GPA33: variants seen among roughly 807,000 people sequenced by gnomAD.
GPA33 encodes cell surface A33 antigen.
In GPA33, 27 loss-of-function variants were observed where a neutral mutation model predicts 35.6. The observed-to-expected ratio is 0.76, with a 90% CI of 0.56 to 1.04. GPA33 has a LOEUF of 1.04. Among genes scored for constraint, GPA33 ranks in the 50% least tolerant of loss-of-function variants. GPA33 has a pLI of 0.00. For missense variants in GPA33, 428 were observed against 411.9 expected, an observed-to-expected ratio of 1.04 and a Z score of -0.34; for synonymous variants, 176 against 164.0, an observed-to-expected ratio of 1.07 and a Z score of -0.56.
At chr1:167,086,422 C>A (rs1354215324) in intron 1 of GPA33, among the ~76,000 whole-genome samples, 3 of 152,208 alleles carry the variant, frequency 2.0e-5, no homozygotes, top group African/African-American at 7.2e-5. Context: ...AGGCTAAGCC[C>A]CTAAACCACA....
chr1:167,062,037 A>C lies in GPA33; in HGVS notation c.571+1545T>G, dbSNP rs1055061293. 1.8e-4 allele frequency among the ~76,000 whole-genome samples: 28 copies of C among 152,134 alleles called. No individual in the cohort carries two copies. The East Asian group carries it at 2.3e-3, about 13-fold the overall frequency. ...CCCCGGGGCACCTCATCTTCTCAGA[A>C]GAGCTGTGTGCCCTGCTGGCTTTGC... is the stretch of plus-strand genomic sequence containing the variant. On this transcript the variant is annotated intron_variant, in intron 4 of 6. Coordinates refer to ENST00000367868, the MANE Select transcript of GPA33 (RefSeq NM_005814.3).
chr1:167,056,850 G>A (rs1571302777), intron 4 of GPA33, among the ~76,000 whole-genome samples: 1 of 27,650 alleles, frequency 3.6e-5, no homozygotes, highest in Non-Finnish European at 8.2e-5. Flanking sequence ...AGTGTGTAAT[G>A]TGTGTGGTGT....
At chr1:167,063,547 A>G (rs746744733) in intron 4 of GPA33, 35 bp downstream of exon 4, 2 of 1,570,806 alleles carry the variant, frequency 1.3e-6, no homozygotes, top group East Asian at 2.3e-5. Context: ...TTGCACTTTG[A>G]CGTGGGGAGC....
At chr1:167,082,165 C>G in intron 1 of GPA33, 1 of 441,606 alleles carries the variant, frequency 2.3e-6, no homozygotes, top group Non-Finnish European at 4.5e-6. Flanking sequence ...GTGTCCCAGT[C>G]CTACACAATC....
rs749148901 is a variant in GPA33 at position 167,055,124 on chromosome 1, A to G, written c.692-13T>C. On this transcript the variant is annotated splice_polypyrimidine_tract_variant and intron_variant, in intron 5 of 6. Coordinates refer to ENST00000367868, the MANE Select transcript of GPA33 (RefSeq NM_005814.3). ...ACGTTCATGGAGGCTGCAAGAGGAC[A>G]GAGCAGCTGCACTTGCCGAGCTTCT... 1.9e-6 allele frequency: 3 copies of G among 1,611,754 alleles called. No homozygotes were observed. The highest frequency in any genetic ancestry group is 2.5e-6 in the Non-Finnish European group (3 of 1,179,770).
intron 1 of GPA33, among the ~76,000 whole-genome samples, chr1:167,076,709 G>C (rs1199902379): frequency 6.6e-6 from 1 of 152,154 alleles, no homozygotes. Flanking sequence ...GAGACAGGAA[G>C]ATGTCAAAAA....
rs774152805 is a variant in GPA33, at chr1:167,090,264, C to T, written c.24G>A (p.Val8=). The change falls in exon 1 of 7, where the codon GTG becomes GTA. Residue 8 remains valine, a synonymous_variant. Transcript: ENST00000367868. MVGKMWP[V]LWTLCAVRVT... is the part of the protein sequence containing the mutation. ...ACTCACCTGCACAGAGTGTCCACAA[C>T]ACAGGCCACATCTTCCCCACCATGG... 6.2e-7 allele frequency: 1 copy of T among 1,613,710 alleles called. No individual in the cohort carries two copies. Among genetic ancestry groups the T allele is most frequent in the Non-Finnish European group, 8.5e-7 (1 of 1,179,618 alleles).
intron 1 of GPA33, among the ~76,000 whole-genome samples, chr1:167,087,129 G>A (rs182280092): frequency 1.3e-5 from 2 of 152,290 alleles, no homozygotes; most frequent in East Asian, 3.9e-4. Context: ...TGTGGAGGGG[G>A]CAGCGCATGG....
Position 167,073,386 on chromosome 1 carries a change from G to C in GPA33, c.197C>G (p.Thr66Arg), listed in dbSNP as rs775151573. Reference sequence around the variant, plus strand: ...CCTGAACTTGTAAAGTATCCTTACCGTATGAGTGAGGAGGAGCTTATCCCA... The same window carrying C: ...CCTGAACTTGTAAAGTATCCTTACCCTATGAGTGAGGAGGAGCTTATCCCA... ...IQWDKLLLTH[T>R]ERVVIWPFSN... Residue 66 changes from threonine to arginine, a missense_variant and splice_region_variant, in exon 2 of 7, where the codon ACG (threonine) becomes AGG (arginine). Transcript: ENST00000367868. The C allele has an allele frequency of 6.2e-7, 1 of 1,612,448 alleles. No individual in the cohort carries two copies. The highest frequency in any genetic ancestry group is 1.7e-5 in the Admixed American group (1 of 60,004).
intron 3 of GPA33, among the ~76,000 whole-genome samples, chr1:167,066,586 G>T (rs968759663): frequency 2.0e-5 from 3 of 152,170 alleles, no homozygotes; most frequent in African/African-American, 7.2e-5. Context: ...TAGGACCTCC[G>T]ATCAAACAGA....
chr1:167,058,284 TATTTC>T (rs1272277133), intron 4 of GPA33: 2 of 152,186 alleles, frequency 1.3e-5, no homozygotes, highest in African/African-American at 2.4e-5. Context: ...ATAAAACTAT[TATTTC>T]AATTCAATTC....
intron 4 of GPA33, among the ~76,000 whole-genome samples, chr1:167,056,812 T>TG (rs1666305798): frequency 1.2e-5 from 1 of 83,736 alleles, no homozygotes. Context: ...GTGGTGTGTA[T>TG]GTGGCAGCGT....
At chr1:167,080,033 TC>T (rs753887352) in intron 1 of GPA33, among the ~76,000 whole-genome samples, 2 of 152,176 alleles carry the variant, frequency 1.3e-5, no homozygotes, top group Non-Finnish European at 2.9e-5. Flanking sequence ...TCCAGCTACC[TC>T]ACTTTCCGCT....
At chr1:167,066,818 C>A (rs1666602432) in intron 3 of GPA33, among the ~76,000 whole-genome samples, 1 of 152,196 alleles carries the variant, frequency 6.6e-6, no homozygotes, top group Non-Finnish European at 1.5e-5. Flanking sequence ...CGCCAGAGGC[C>A]GGAGCACCGG....
chr1:167,081,143 C>T (rs1473703215), intron 1 of GPA33, among the ~76,000 whole-genome samples: 1 of 152,160 alleles, frequency 6.6e-6, no homozygotes, highest in Non-Finnish European at 1.5e-5. Context: ...AATAAACGGT[C>T]TCTTGAGAAC....
chr1:167,073,015 GA>G lies in GPA33; in HGVS notation c.198+369del, dbSNP rs533752715. ...TATTATCTATTTAAAAATAGAAATA[GA>G]AAAAAAAAACAAAACTCCTCCACAC... On this transcript the variant is annotated intron_variant, in intron 2 of 6. Transcript: ENST00000367868. Among the ~76,000 whole-genome samples, 100 of 127,682 alleles carry G rather than the reference GA, an allele frequency of 7.8e-4. 1 individual carries two copies. Among genetic ancestry groups the G allele is most frequent in the African/African-American group, 2.7e-3 (91 of 34,226 alleles). 83.8% of individuals were successfully genotyped at this position (127,682 alleles called of 152,430 possible).
intron 1 of GPA33, among the ~76,000 whole-genome samples, chr1:167,088,682 T>C (rs1364033105): frequency 6.6e-6 from 1 of 152,224 alleles, no homozygotes; most frequent in Non-Finnish European, 1.5e-5. Context: ...CCCTCCAAGC[T>C]GGGTGAGCAT....
At chr1:167,059,717 T>A (rs1327559184) in intron 4 of GPA33, among the ~76,000 whole-genome samples, 1 of 152,204 alleles carries the variant, frequency 6.6e-6, no homozygotes, top group Admixed American at 6.5e-5. Flanking sequence ...TCAGAGCTAT[T>A]ACACATGGGA....
chr1:167,067,248 T>C (rs1203391493), intron 3 of GPA33, among the ~76,000 whole-genome samples: 3 of 151,842 alleles, frequency 2.0e-5, no homozygotes, highest in Non-Finnish European at 4.4e-5. Flanking sequence ...AGCCTCGACC[T>C]CCCCAACTCA....
Sources: gnomAD v4.1 joint callset for allele counts (sites outside exome capture counted in the v4.1 genomes callset) on GRCh38, gnomAD v4.1.1 for gene constraint, MANE v1.5 for transcripts, NCBI Gene and HGNC (gene_info 2026-07-23, HGNC 2026-07-21) for gene names.